Variants in COL5A3 observed in about 807,000 individuals in gnomAD.
COL5A3 encodes the protein collagen type V alpha 3 chain, also known as collagen alpha-3(V) chain.
Under a neutral mutation model 250.0 loss-of-function variants are expected in COL5A3, and 172 were observed. The ratio of observed to expected loss-of-function variants is 0.69; its 90% CI spans 0.61 to 0.78. The LOEUF is 0.78. Ranked by LOEUF, COL5A3 falls within the 30% of genes least tolerant of loss-of-function variation. COL5A3 has a pLI of 0.00. For synonymous variants in COL5A3, 937 were observed against 900.4 expected, an observed-to-expected ratio of 1.04 and a Z score of -0.73; for missense variants, 2,340 against 2,334.4, an observed-to-expected ratio of 1.00 and a Z score of -0.05.
Position 9,966,647 on chromosome 19 carries a change from G to A in COL5A3, c.4558C>T (p.Leu1520Phe), listed in dbSNP as rs1454812595. The A allele has an allele frequency of 2.6e-6, 4 of 1,538,244 alleles. No homozygotes were observed. The highest frequency in any genetic ancestry group is 3.5e-6 in the Non-Finnish European group (4 of 1,147,166). ...TCCAGCTCCAAGCTCAGCGATGTGA[G>A]CGAGGCCAGCACCTCCTCCAGGCCG... is the stretch of plus-strand genomic sequence containing the variant. ...EGGLEEVLAS[L>F]TSLSLELEQL... The change falls in exon 63 of 67, where the codon CTC becomes TTC. Residue 1520 changes from leucine (L) to phenylalanine (F), a missense_variant. Leu to Phe is a conservative substitution (Grantham distance 22). Coordinates refer to ENST00000264828, the MANE Select transcript of COL5A3 (RefSeq NM_015719.4).
chr19:10,000,789 C>G (rs1331008876), intron 8 of COL5A3, among the ~76,000 whole-genome samples: 1 of 151,970 alleles, frequency 6.6e-6, no homozygotes, highest in East Asian at 1.9e-4. Flanking sequence ...GGTAGAAATC[C>G]CTTCTAAGAC....
chr19:10,001,745 C>T (rs550760358), intron 7 of COL5A3, 23 bp downstream of exon 7: 6 of 1,613,090 alleles, frequency 3.7e-6, no homozygotes, highest in African/African-American at 1.3e-5. Context: ...CTTGGGGTCT[C>T]CCCTCTTCCA....
At chr19:9,993,702 C>G (rs778545814) in intron 17 of COL5A3, 30 bp from the exon 18 acceptor site, 6 of 1,614,100 alleles carry the variant, frequency 3.7e-6, no homozygotes, top group Non-Finnish European at 5.1e-6. Context: ...AGCCTTGACC[C>G]CATAAGCCTG....
At position 9,997,430 on chromosome 19, in the gene COL5A3, C is replaced by G; in HGVS notation, c.1204G>C (p.Val402Leu). 1 of 1,603,974 alleles carries G rather than the reference C, an allele frequency of 6.2e-7. No homozygotes were observed. The highest frequency in any genetic ancestry group is 8.5e-7 in the Non-Finnish European group (1 of 1,175,546). ...GPPGAPGPQG[V>L]VGPSGPPGPP... is the part of the protein sequence containing the mutation. ...CCGGGAGGGCCTGAGGGGCCAACCA[C>G]CCCCTGTTGGGGACAGAGAAACAGG... is the stretch of plus-strand genomic sequence containing the variant. Residue 402 changes from valine to leucine, a missense_variant, in exon 11 of 67, where the codon GTG becomes CTG. Val to Leu is a conservative substitution (Grantham distance 32). Coordinates refer to ENST00000264828, the MANE Select transcript of COL5A3 (RefSeq NM_015719.4).
intron 11 of COL5A3, 108 bp downstream of exon 11, chr19:9,997,263 G>A (rs1044873160): frequency 8.5e-6 from 7 of 822,970 alleles, no homozygotes; most frequent in Non-Finnish European, 1.5e-5. Flanking sequence ...CCAGCCCCGG[G>A]ATGGTGTTCC....
Position 9,969,565 on chromosome 19 carries a change from C to A in COL5A3, c.4098+10G>T. 6.2e-7 allele frequency: 1 copy of A among 1,610,520 alleles called. No individual in the cohort carries two copies. Among genetic ancestry groups the A allele is most frequent in the Non-Finnish European group, 8.5e-7 (1 of 1,178,460 alleles). Reference sequence around the variant, plus strand: ...TCCACCCTGTCCCACCCCTGCCCCGCTCCACTCACCACAGGGCCAGGGATC... The same window carrying A: ...TCCACCCTGTCCCACCCCTGCCCCGATCCACTCACCACAGGGCCAGGGATC... On this transcript the variant is annotated intron_variant, in intron 56 of 66. Coordinates refer to ENST00000264828, the MANE Select transcript of COL5A3 (RefSeq NM_015719.4).
Position 9,960,227 on chromosome 19 carries a change from G to A in COL5A3, c.*184C>T. 3 of 705,460 alleles carry A rather than the reference G, an allele frequency of 4.3e-6. No homozygotes were observed. Among genetic ancestry groups the A allele is most frequent in the South Asian group, 1.9e-5 (1 of 53,198 alleles). The allele number at this position is 705,460 out of a possible 1,614,324, so 43.7% of individuals were successfully genotyped here. ...TGGGGTGAGAGGAGGCTGGACCCTTGGGCCAGGGAACCCCAGCCCCCAGCA... is the reference window on the plus strand; with the variant it reads ...TGGGGTGAGAGGAGGCTGGACCCTTAGGCCAGGGAACCCCAGCCCCCAGCA... On this transcript the variant is annotated 3_prime_UTR_variant, in exon 67 of 67. Transcript: ENST00000264828.
In COL5A3 at chr19:9,982,071, C is replaced by T; in HGVS notation, c.2454G>A (p.Gly818=). The T allele has an allele frequency of 1.9e-6, 3 of 1,610,796 alleles. No individual in the cohort carries two copies. The highest frequency in any genetic ancestry group is 2.5e-6 in the Non-Finnish European group (3 of 1,178,034). ...ACCCCCGGTCATGACTCACCGACTT[C>T]CCTTTCTCTCCTATGGGTCCCAGGG... is the stretch of plus-strand genomic sequence containing the variant. The part of the protein sequence containing the change: ...PGPLGPIGEK[G]KSGKTGQPGL... The change falls in exon 32 of 67, where the codon GGG becomes GGA. Residue 818 remains glycine, a synonymous_variant. Transcript: ENST00000264828.
At position 9,969,944 on chromosome 19, in the gene COL5A3, G is replaced by A. The variant is rs548457235; in HGVS notation, c.3937-22C>T. On this transcript the variant is annotated intron_variant, in intron 54 of 66. Transcript: ENST00000264828. ...GACCCTTGGAAGGGAAAGACAGTGA[G>A]GGGGGTCTAGGGGCTGACTGAGGGT... The A allele has an allele frequency of 4.0e-6, 6 of 1,490,894 alleles. No homozygotes were observed. The African/African-American group carries it at 1.5e-4, about 38-fold the overall frequency. The allele number at this position is 1,490,894 out of a possible 1,614,324, so 92.4% of individuals were successfully genotyped here.
chr19:10,006,188 C>A lies in COL5A3; in HGVS notation c.132G>T (p.Gln44His). ...VLKALGVQGG[Q>H]AGVPEGPGFC... ...AGCCAGGCCCCTCGGGGACCCCAGC[C>A]TGGCCTCCCTGCACACCCAGGGCCT... is the stretch of plus-strand genomic sequence containing the variant. Residue 44 changes from glutamine to histidine, a missense_variant, in exon 2 of 67, where the codon CAG (glutamine) becomes CAT (histidine). By Grantham distance (24) the Gln-to-His change is conservative. Transcript: ENST00000264828. 6.2e-7 allele frequency: 1 copy of A among 1,606,266 alleles called. No individual in the cohort carries two copies. The highest frequency in any genetic ancestry group is 8.5e-7 in the Non-Finnish European group (1 of 1,176,744).
intron 51 of COL5A3, 23 bp downstream of exon 51, chr19:9,972,896 C>T: frequency 6.5e-7 from 1 of 1,541,750 alleles, no homozygotes; most frequent in Non-Finnish European, 8.8e-7. Flanking sequence ...CCATGTCTGC[C>T]CCCACTTCCC....
At chr19:9,999,550 C>A (rs1487341060) in intron 8 of COL5A3, among the ~76,000 whole-genome samples, 4 of 147,996 alleles carry the variant, frequency 2.7e-5, no homozygotes, top group Non-Finnish European at 5.9e-5. Context: ...TTGCTGCAAG[C>A]TCCGCCTCCC....
intron 66 of COL5A3, 23 bp from the exon 67 acceptor site, chr19:9,960,580 C>T (rs2277970): frequency 0.032 from 51,740 of 1,613,844 alleles, 1,023 homozygotes; most frequent in East Asian, 0.078. Context: ...AAGACAGAGA[C>T]GGTGAGTTAC....
intron 62 of COL5A3, 95 bp downstream of exon 62, chr19:9,967,252 C>T: frequency 2.3e-6 from 2 of 881,550 alleles, no homozygotes; most frequent in East Asian, 3.2e-5. Flanking sequence ...TGGCCCAGTG[C>T]TGCGCACGGA....
chr19:9,982,104 A>G lies in COL5A3; in HGVS notation c.2421T>C (p.Phe807=), dbSNP rs1424601646. The G allele has an allele frequency of 6.2e-7, 1 of 1,605,842 alleles. No homozygotes were observed. The highest frequency in any genetic ancestry group is 1.1e-5 in the South Asian group (1 of 90,076). Residue 807 remains phenylalanine (F), a synonymous_variant, in exon 32 of 67, where the codon TTT becomes TTC. Coordinates refer to ENST00000264828, the MANE Select transcript of COL5A3 (RefSeq NM_015719.4). ...GRPGPKGSIG[F]PGPLGPIGEK... is the part of the protein sequence containing the mutation. ...CTCCTATGGGTCCCAGGGGACCGGGAAATCCAATAGATCCCTGAGTGGAGA... is the reference window on the plus strand; with the variant it reads ...CTCCTATGGGTCCCAGGGGACCGGGGAATCCAATAGATCCCTGAGTGGAGA...
At chr19:9,992,416 A>G (rs1305153540) in intron 21 of COL5A3, among the ~76,000 whole-genome samples, 1 of 151,804 alleles carries the variant, frequency 6.6e-6, no homozygotes, top group African/African-American at 2.4e-5. Context: ...TCTAAAAAAA[A>G]AAAGAAAGAA....
chr19:9,967,928 T>C lies in COL5A3; in HGVS notation c.4380A>G (p.Gly1460=). ...CCGGAGACCCTTTTGAGCCTTTCTG[T>C]CCTAGAGGGCCCTGTAGGGTACAGA... ...PGPPGVAGPL[G]QKGSKGSPGS... is the part of the protein sequence containing the mutation. The change falls in exon 61 of 67, where the codon GGA becomes GGG. Residue 1460 remains glycine, a synonymous_variant. Transcript: ENST00000264828. 3.1e-6 allele frequency: 5 copies of C among 1,613,192 alleles called. No individual in the cohort carries two copies. The highest frequency in any genetic ancestry group is 4.2e-6 in the Non-Finnish European group (5 of 1,179,696).
Position 9,991,825 on chromosome 19 carries a change from G to A in COL5A3, c.1910C>T (p.Pro637Leu), listed in dbSNP as rs1408321805. ...AKGNVGPPGEPGPPGQQGNHG... is the reference protein window; with the variant it reads ...AKGNVGPPGELGPPGQQGNHG... ...GTTTCCCTGCTGTCCCGGAGGGCCT[G>A]GTTCTCCTGGAGGACCCTGGGGAGA... Residue 637 changes from proline (P) to leucine (L), a missense_variant, in exon 23 of 67, where the codon CCA becomes CTA. Pro to Leu is a moderately conservative substitution (Grantham distance 98). Coordinates refer to ENST00000264828, the MANE Select transcript of COL5A3 (RefSeq NM_015719.4). 1 of 1,609,718 alleles carries A rather than the reference G, an allele frequency of 6.2e-7. No homozygotes were observed. Among genetic ancestry groups the A allele is most frequent in the Non-Finnish European group, 8.5e-7 (1 of 1,178,126 alleles).
intron 31 of COL5A3, among the ~76,000 whole-genome samples, chr19:9,984,394 T>G (rs2087064862): frequency 6.6e-6 from 1 of 152,202 alleles, no homozygotes; most frequent in African/African-American, 2.4e-5. Context: ...GGGAATAGTT[T>G]AGGCAGAAAA....
Sources: allele counts gnomAD v4.1 joint callset (sites outside exome capture counted in the v4.1 genomes callset), GRCh38; gene constraint gnomAD v4.1.1; transcripts MANE v1.5; gene names NCBI Gene and HGNC (gene_info 2026-07-23, HGNC 2026-07-21).